The following GMDS variants were observed in gnomAD, a reference collection of about 807,000 sequenced individuals.
The protein encoded by GMDS is GDP-mannose 4,6-dehydratase.
In GMDS, 20 loss-of-function variants were observed where a neutral mutation model predicts 49.9. The ratio of observed to expected loss-of-function variants is 0.40; its 90% confidence interval spans 0.28 to 0.58. The LOEUF is 0.58. Ranked by LOEUF, GMDS falls within the 20% of genes least tolerant of loss-of-function variation. GMDS has a pLI of 0.42. For synonymous variants in GMDS, 177 were observed against 178.6 expected, an observed-to-expected ratio of 0.99 and a Z score of 0.07; for missense variants, 362 against 481.4, an observed-to-expected ratio of 0.75 and a Z score of 2.32.
chr6:1,686,404 T>C (rs188192258), intron 9 of GMDS, among the ~76,000 whole-genome samples: 156 of 152,186 alleles, frequency 1.0e-3, no homozygotes, highest in Admixed American at 3.0e-3. Context: ...CAACTGGAAA[T>C]GGTTGGAGAG....
chr6:1,930,812 A>G (rs941955982), intron 6 of GMDS: 3 of 152,240 alleles, frequency 2.0e-5, no homozygotes, highest in African/African-American at 7.2e-5. Flanking sequence ...AGAAACCTGC[A>G]CAGCCATCCA....
At chr6:1,823,750 T>A (rs1376128007) in intron 7 of GMDS, among the ~76,000 whole-genome samples, 1 of 152,112 alleles carries the variant, frequency 6.6e-6, no homozygotes, top group Non-Finnish European at 1.5e-5. Flanking sequence ...GCACAGAGGG[T>A]CTATGGAGGG....
At chr6:1,739,877 C>CTGG (rs1261629467) in intron 8 of GMDS, among the ~76,000 whole-genome samples, 1 of 152,206 alleles carries the variant, frequency 6.6e-6, no homozygotes, top group African/African-American at 2.4e-5. Flanking sequence ...ACTCTGACTG[C>CTGG]TGGGAAAGTC....
intron 7 of GMDS, among the ~76,000 whole-genome samples, chr6:1,869,758 G>A (rs767781177): frequency 3.9e-5 from 6 of 152,256 alleles, no homozygotes; most frequent in Non-Finnish European, 8.8e-5. Context: ...TGGGACCACA[G>A]TGCGGAAAAG....
chr6:1,666,198 C>T (rs1055662259), intron 9 of GMDS, among the ~76,000 whole-genome samples: 1 of 152,188 alleles, frequency 6.6e-6, no homozygotes, highest in Non-Finnish European at 1.5e-5. Flanking sequence ...CCCTGAGGGT[C>T]AAGTCGCTCT....
At chr6:1,667,678 G>C (rs1764277398) in intron 9 of GMDS, among the ~76,000 whole-genome samples, 1 of 150,880 alleles carries the variant, frequency 6.6e-6, no homozygotes. Context: ...TGGCAACATG[G>C]AATGGGCACT....
rs531241642 is a variant in GMDS, at chr6:1,794,869, C to T, written c.772-52283G>A. Among the ~76,000 whole-genome samples the T allele has an allele frequency of 2.2e-4, 34 of 152,146 alleles. No individual in the cohort carries two copies. In the South Asian group the frequency reaches 5.0e-3, roughly 22 times the overall value. ...ACAGGGGTGAGCCACTGCACCTGGA[C>T]GATGATATCCTAAGTAATCTAAAAT... On this transcript the variant is annotated intron_variant, in intron 7 of 10. Coordinates refer to ENST00000380815, the MANE Select transcript of GMDS (RefSeq NM_001500.4).
intron 9 of GMDS, chr6:1,625,044 G>C (rs960247636): frequency 2.6e-5 from 4 of 152,040 alleles, no homozygotes; most frequent in African/African-American, 4.8e-5. Flanking sequence ...GCCCCGCGGG[G>C]AAGGGACTCG....
intron 6 of GMDS, among the ~76,000 whole-genome samples, chr6:1,950,352 T>C (rs928024721): frequency 6.6e-6 from 1 of 152,228 alleles, no homozygotes; most frequent in Non-Finnish European, 1.5e-5. Flanking sequence ...CTACAACTTA[T>C]TCTCAAATGA....
intron 7 of GMDS, among the ~76,000 whole-genome samples, chr6:1,813,100 C>T (rs1326975400): frequency 6.6e-6 from 1 of 151,368 alleles, no homozygotes; most frequent in Non-Finnish European, 1.5e-5. Flanking sequence ...TGTATGAGCA[C>T]AGTCCCAGCT....
intron 4 of GMDS, among the ~76,000 whole-genome samples, chr6:2,020,316 A>T (rs1337996062): frequency 1.3e-5 from 2 of 151,778 alleles, no homozygotes; most frequent in Admixed American, 6.6e-5. Flanking sequence ...ATAAATAAAT[A>T]AAATAAATTA....
At chr6:2,021,574 ATATAATAAG>A (rs1768280056) in intron 4 of GMDS, among the ~76,000 whole-genome samples, 1 of 152,234 alleles carries the variant, frequency 6.6e-6, no homozygotes, top group Non-Finnish European at 1.5e-5. Context: ...CCAAAAATTA[ATATAATAAG>A]TAAAATATTT....
intron 9 of GMDS, among the ~76,000 whole-genome samples, chr6:1,628,849 A>G (rs1421727349): frequency 6.6e-6 from 1 of 152,230 alleles, no homozygotes; most frequent in Non-Finnish European, 1.5e-5. Context: ...GGGGCGCTTA[A>G]TATTCTTTTT....
At chr6:2,011,782 C>T (rs188840046) in intron 4 of GMDS, among the ~76,000 whole-genome samples, 92 of 152,246 alleles carry the variant, frequency 6.0e-4, no homozygotes, top group African/African-American at 2.1e-3. Context: ...ATTAGCTAAG[C>T]GTGGTCGCGC....
At chr6:2,244,236 C>T (rs1781753443) in intron 1 of GMDS, among the ~76,000 whole-genome samples, 1 of 152,058 alleles carries the variant, frequency 6.6e-6, no homozygotes, top group Non-Finnish European at 1.5e-5. Flanking sequence ...CACTTCCCAG[C>T]GGTTTAACCT....
intron 6 of GMDS, among the ~76,000 whole-genome samples, chr6:1,957,369 T>C (rs1409346614): frequency 6.6e-6 from 1 of 152,184 alleles, no homozygotes; most frequent in Non-Finnish European, 1.5e-5. Context: ...GAAAGAAATC[T>C]CCTTGGAAAA....
chr6:1,767,648 G>C (rs887609227), intron 7 of GMDS, among the ~76,000 whole-genome samples: 1 of 152,172 alleles, frequency 6.6e-6, no homozygotes, highest in East Asian at 1.9e-4. Context: ...GCCGAGTCTG[G>C]AGCGAGTTTC....
intron 9 of GMDS, among the ~76,000 whole-genome samples, chr6:1,668,583 G>T (rs1013331665): frequency 6.6e-6 from 1 of 152,000 alleles, no homozygotes; most frequent in Admixed American, 6.6e-5. Flanking sequence ...GGTGGTGCAC[G>T]CCTGTAATCC....
In GMDS at chr6:2,209,572, C is replaced by CACAT. The variant is rs55948495; in HGVS notation, c.102+35748_102+35749insATGT. Among the ~76,000 whole-genome samples, 661 of 79,604 alleles carry CACAT rather than the reference C, an allele frequency of 8.3e-3. 1 individual carries two copies. The highest frequency in any genetic ancestry group is 0.012 in the Non-Finnish European group (465 of 39,784). The allele number at this position is 79,604 out of a possible 152,430, so 52.2% of individuals were successfully genotyped here. ...ATACACATACATACACATACACATACACACACACACACACACACACACACA... is the reference window on the plus strand; with the variant it reads ...ATACACATACATACACATACACATACACATACACACACACACACACACACACACA... On this transcript the variant is annotated intron_variant, in intron 1 of 10. Transcript: ENST00000380815.
Sources: allele counts gnomAD v4.1 joint callset (sites outside exome capture counted in the v4.1 genomes callset), GRCh38; gene constraint gnomAD v4.1.1; transcripts MANE v1.5; gene names NCBI Gene and HGNC (gene_info 2026-07-23, HGNC 2026-07-21).